Variants in PACRGL observed in about 807,000 individuals in gnomAD.
PACRGL encodes PACRG-like protein.
In PACRGL, 38 loss-of-function variants were observed where a neutral mutation model predicts 34.5. The observed-to-expected ratio is 1.10, with a 90% confidence interval of 0.85 to 1.44. The LOEUF (loss-of-function observed/expected upper bound fraction) is 1.44, where lower values mean the gene tolerates loss of function less well. Among genes scored for constraint, PACRGL ranks in the 40% most tolerant of loss-of-function variants. PACRGL has a pLI of 0.00. For synonymous variants in PACRGL, 128 were observed against 100.1 expected (o/e 1.28, Z -1.66); for missense variants, 305 against 281.4 (o/e 1.08, Z -0.60).
At chr4:20,708,883 T>C (rs1167347974) in intron 4 of PACRGL, among the ~76,000 whole-genome samples, 1 of 152,020 alleles carries the variant, frequency 6.6e-6, no homozygotes, top group Non-Finnish European at 1.5e-5. Context: ...TCCCAGCACT[T>C]TGGGAGGCCA....
chr4:20,741,877 A>C (rs1212698310), intron 8 of PACRGL, among the ~76,000 whole-genome samples: 2 of 152,222 alleles, frequency 1.3e-5, no homozygotes, highest in African/African-American at 4.8e-5. Flanking sequence ...ATAAAAAATG[A>C]TAAAGGGGAT....
rs1746255963 is a variant in PACRGL, at chr4:20,727,474, C to T, written c.*133C>T. 1.5e-6 allele frequency: 1 copy of T among 660,888 alleles called. No individual in the cohort carries two copies. Among genetic ancestry groups the T allele is most frequent in the Non-Finnish European group, 2.5e-6 (1 of 392,326 alleles). The allele number at this position is 660,888 out of a possible 1,614,324, so 40.9% of individuals were successfully genotyped here. On this transcript the variant is annotated 3_prime_UTR_variant, in exon 9 of 9. Coordinates refer to ENST00000503585, the MANE Select transcript of PACRGL (RefSeq NM_001258345.3). ...TTTACTAGGTTAAGATGAATAGACA[C>T]TGAATCAAAGTTATTCATCAACAAA...
intron 8 of PACRGL, among the ~76,000 whole-genome samples, chr4:20,748,387 C>T (rs969454708): frequency 4.0e-5 from 6 of 151,852 alleles, no homozygotes; most frequent in South Asian, 2.1e-4. Flanking sequence ...TTTAGACAGT[C>T]CATCAGTTGC....
At chr4:20,767,138 A>G in the PACRGL span, 4 of 152,254 alleles carry the variant, frequency 2.6e-5, no homozygotes, top group Non-Finnish European at 5.9e-5. Context: ...CAATGCCGAT[A>G]GACCAAGGAT....
At chr4:20,712,599 G>T in intron 5 of PACRGL, 189 bp from the exon 6 acceptor site, 1 of 471,794 alleles carries the variant, frequency 2.1e-6, no homozygotes, top group Non-Finnish European at 3.4e-6. Context: ...TTTCCCTTGG[G>T]ATACCAAGGG....
At chr4:20,733,084 T>C (rs572800515), downstream of PACRGL, among the ~76,000 whole-genome samples, 1 of 152,214 alleles carries the variant, frequency 6.6e-6, no homozygotes, top group Admixed American at 6.5e-5. Flanking sequence ...TGGATTTCTA[T>C]AGACTTTAAG....
rs1180214844 is a variant in PACRGL at position 20,728,726 on chromosome 4, A to G, written c.*1385A>G. The G allele has an allele frequency of 6.6e-6, 1 of 152,590 alleles. No individual in the cohort carries two copies. The highest frequency in any genetic ancestry group is 1.5e-5 in the Non-Finnish European group (1 of 68,030). 9.5% of individuals were successfully genotyped at this position (152,590 alleles called of 1,614,324 possible). On this transcript the variant is annotated 3_prime_UTR_variant, in exon 9 of 9. Transcript: ENST00000503585. ...GTGTACATGTATTGTACTACTCTTA[A>G]TTTCTACACTGGTGATAGCAGGGCA...
chr4:20,703,040 G>C (rs146272527), intron 1 of PACRGL, among the ~76,000 whole-genome samples: 24 of 152,238 alleles, frequency 1.6e-4, no homozygotes, highest in African/African-American at 5.8e-4. Flanking sequence ...TTTATAACAT[G>C]GAGCTTTGTC....
At chr4:20,699,630 T>C (rs1368276826), upstream of PACRGL, among the ~76,000 whole-genome samples, 1 of 152,144 alleles carries the variant, frequency 6.6e-6, no homozygotes, top group East Asian at 1.9e-4. Context: ...GCTCAGACAA[T>C]GCCAATTTAG....
intron 8 of PACRGL, among the ~76,000 whole-genome samples, chr4:20,746,395 A>G (rs1466797047): frequency 6.6e-6 from 1 of 152,032 alleles, no homozygotes; most frequent in East Asian, 1.9e-4. Flanking sequence ...TAGGGGAGGG[A>G]TAATATTAGC....
At chr4:20,711,698 A>G (rs1338512278) in intron 5 of PACRGL, among the ~76,000 whole-genome samples, 1 of 152,076 alleles carries the variant, frequency 6.6e-6, no homozygotes, top group Non-Finnish European at 1.5e-5. Flanking sequence ...TTGCTTTATC[A>G]TTTCGAAAAA....
chr4:20,702,142 T>G (rs1259316493), intron 1 of PACRGL: 5 of 456,492 alleles, frequency 1.1e-5, no homozygotes, highest in Non-Finnish European at 2.2e-5. Context: ...CCCCATTAGT[T>G]TGTTACAGGA....
At chr4:20,712,372 C>T (rs1285289589) in intron 5 of PACRGL, among the ~76,000 whole-genome samples, 1 of 149,440 alleles carries the variant, frequency 6.7e-6, no homozygotes, top group Non-Finnish European at 1.5e-5. Flanking sequence ...AGCTGCAGAT[C>T]GAAACTATTA....
upstream of PACRGL, among the ~76,000 whole-genome samples, chr4:20,697,332 C>A (rs759550679): frequency 6.6e-6 from 1 of 151,922 alleles, no homozygotes; most frequent in African/African-American, 2.4e-5. Context: ...AGAATTAAGA[C>A]AATATTTTCT....
At position 20,728,307 on chromosome 4, in the gene PACRGL, A is replaced by G. The variant is rs999231660; in HGVS notation, c.*966A>G. The G allele has an allele frequency of 1.3e-5, 2 of 152,214 alleles. No homozygotes were observed. Among genetic ancestry groups the G allele is most frequent in the Admixed American group, 6.5e-5 (1 of 15,280 alleles). The allele number at this position is 152,214 out of a possible 1,614,324, so 9.4% of individuals were successfully genotyped here. A position where few individuals can be genotyped will look rare whatever the true frequency, so the allele number is the denominator to read the frequency against. On this transcript the variant is annotated 3_prime_UTR_variant, in exon 9 of 9. Coordinates refer to ENST00000503585, the MANE Select transcript of PACRGL (RefSeq NM_001258345.3). ...TGCATTTCATAGCCAGAAAATACTG[A>G]TGTTCACTTAAAGATATTCAGCAAT...
At chr4:20,757,024 C>T (rs1394432868), downstream of PACRGL, among the ~76,000 whole-genome samples, 2 of 152,066 alleles carry the variant, frequency 1.3e-5, no homozygotes, top group African/African-American at 4.8e-5. Flanking sequence ...ACATTTGTGC[C>T]AACTTCTTGT....
chr4:20,724,667 A>G (rs1179095363), intron 7 of PACRGL, 141 bp from the exon 8 acceptor site: 1 of 425,912 alleles, frequency 2.3e-6, no homozygotes, highest in African/African-American at 2.0e-5. Context: ...GGTACCTTAT[A>G]CATGTAAATT....
rs1746727008 is a variant in PACRGL at position 20,728,561 on chromosome 4, T to TAATTA, written c.*1222_*1226dup. 6.6e-6 allele frequency: 1 copy of TAATTA among 152,538 alleles called. No individual in the cohort carries two copies. The highest frequency in any genetic ancestry group is 6.5e-5 in the Admixed American group (1 of 15,270). The allele number at this position is 152,538 out of a possible 1,614,324, so 9.4% of individuals were successfully genotyped here. ...GCCATCTAGAAAGTACTGTAAGATT[T>TAATTA]AATTAATTACAAAATTTCTTGGAAA... On this transcript the variant is annotated 3_prime_UTR_variant, in exon 9 of 9. Transcript: ENST00000503585.
At chr4:20,721,719 G>A (rs1232594215) in intron 7 of PACRGL, among the ~76,000 whole-genome samples, 1 of 152,202 alleles carries the variant, frequency 6.6e-6, no homozygotes, top group Non-Finnish European at 1.5e-5. Flanking sequence ...GCCGTGTGAG[G>A]TGTCAGTCTG....
Sources: gnomAD v4.1 joint callset for allele counts (sites outside exome capture counted in the v4.1 genomes callset) on GRCh38, gnomAD v4.1.1 for gene constraint, MANE v1.5 for transcripts, NCBI Gene and HGNC (gene_info 2026-07-23, HGNC 2026-07-21) for gene names.